RCAN2: variants seen among roughly 807,000 people sequenced by gnomAD.
RCAN2 encodes regulator of calcineurin 2, also known as calcipressin-2.
Under a neutral mutation model 23.6 loss-of-function variants are expected in RCAN2, and 9 were observed. The ratio of observed to expected loss-of-function variants is 0.38; its 90% CI spans 0.23 to 0.67. The LOEUF is 0.67. RCAN2 is among the 30% of genes least tolerant of loss of function. The probability of loss-of-function intolerance (pLI) is 0.51; values close to 1 mark genes in which losing one functional copy is unlikely to be tolerated. For missense variants in RCAN2, 273 were observed against 302.3 expected, an observed-to-expected ratio of 0.90 and a Z score of 0.72; for synonymous variants, 109 against 115.7, an observed-to-expected ratio of 0.94 and a Z score of 0.37.
intron 2 of RCAN2, among the ~76,000 whole-genome samples, chr6:46,250,597 A>G (rs1461495815): frequency 1.3e-5 from 2 of 152,314 alleles, no homozygotes; most frequent in African/African-American, 4.8e-5. Flanking sequence ...AAAGATAAGG[A>G]CTTACCCATG....
intron 2 of RCAN2, among the ~76,000 whole-genome samples, chr6:46,270,698 T>C (rs1247733344): frequency 6.6e-6 from 1 of 152,190 alleles, no homozygotes; most frequent in Non-Finnish European, 1.5e-5. Context: ...AAACTGTGAC[T>C]CCTCGTTTTA....
intron 2 of RCAN2, among the ~76,000 whole-genome samples, chr6:46,337,593 C>T (rs1437362721): frequency 6.6e-6 from 1 of 152,196 alleles, no homozygotes; most frequent in African/African-American, 2.4e-5. Context: ...TTCTGTATTT[C>T]CTGTTTTAAC....
At chr6:46,333,533 T>C (rs1183805636) in intron 2 of RCAN2, among the ~76,000 whole-genome samples, 3 of 152,176 alleles carry the variant, frequency 2.0e-5, no homozygotes, top group Admixed American at 6.5e-5. Flanking sequence ...CATTTTAGAG[T>C]GGAAACACTG....
intron 2 of RCAN2, among the ~76,000 whole-genome samples, chr6:46,368,905 C>A (rs916410933): frequency 6.6e-6 from 1 of 152,112 alleles, no homozygotes; most frequent in African/African-American, 2.4e-5. Context: ...AACAAATTAA[C>A]CTTCACTTAC....
chr6:46,259,084 G>A (rs746187723), intron 2 of RCAN2, among the ~76,000 whole-genome samples: 1 of 152,140 alleles, frequency 6.6e-6, no homozygotes, highest in Non-Finnish European at 1.5e-5. Flanking sequence ...CACTCTGGAG[G>A]CTGAGGTGGG....
intron 2 of RCAN2, among the ~76,000 whole-genome samples, chr6:46,430,723 T>C (rs1379197786): frequency 1.3e-5 from 2 of 152,198 alleles, no homozygotes; most frequent in Non-Finnish European, 2.9e-5. Context: ...TTCAAAGTTA[T>C]GTACAATAGC....
At chr6:46,347,032 C>T (rs560065377) in intron 2 of RCAN2, among the ~76,000 whole-genome samples, 15 of 152,116 alleles carry the variant, frequency 9.9e-5, no homozygotes, top group African/African-American at 2.9e-4. Flanking sequence ...CCCGCCACCA[C>T]GCCTGGCTAA....
intron 2 of RCAN2, among the ~76,000 whole-genome samples, chr6:46,332,788 T>C (rs548988442): frequency 2.0e-5 from 3 of 152,198 alleles, no homozygotes; most frequent in Non-Finnish European, 4.4e-5. Flanking sequence ...TGTGTCTTTA[T>C]AGCAGCATGA....
chr6:46,225,638 T>C (rs1392627239), intron 4 of RCAN2, among the ~76,000 whole-genome samples: 2 of 152,220 alleles, frequency 1.3e-5, no homozygotes, highest in African/African-American at 4.8e-5. Context: ...TTGTTTGATT[T>C]TTTTTCTTGT....
Position 46,222,881 on chromosome 6 carries a change from A to G in RCAN2, c.*260T>C. On this transcript the variant is annotated 3_prime_UTR_variant, in exon 5 of 5. Coordinates refer to ENST00000371374, the MANE Select transcript of RCAN2 (RefSeq NM_001251974.2). ...GATCAACATGAGAGAACAAAGATAT[A>G]GGCTGTGCTGATTGTTTAATAAGAA... is the stretch of plus-strand genomic sequence containing the variant. The G allele has an allele frequency of 2.3e-6, 1 of 432,030 alleles. No individual in the cohort carries two copies. The highest frequency in any genetic ancestry group is 4.2e-6 in the Non-Finnish European group (1 of 235,838). The allele number at this position is 432,030 out of a possible 1,614,324, so 26.8% of individuals were successfully genotyped here.
chr6:46,282,381 TAA>T (rs746550021), intron 2 of RCAN2, among the ~76,000 whole-genome samples: 1 of 138,110 alleles, frequency 7.2e-6, no homozygotes. Flanking sequence ...TCATCTCTAC[TAA>T]AAAAAAAAAA....
intron 2 of RCAN2, among the ~76,000 whole-genome samples, chr6:46,258,533 CT>C (rs1393677431): frequency 6.6e-6 from 1 of 152,168 alleles, no homozygotes; most frequent in African/African-American, 2.4e-5. Context: ...GTATAGAAGC[CT>C]TTATCCTTTC....
At chr6:46,451,720 T>C (rs943940373) in intron 2 of RCAN2, among the ~76,000 whole-genome samples, 3 of 152,202 alleles carry the variant, frequency 2.0e-5, no homozygotes, top group Admixed American at 6.5e-5. Flanking sequence ...TTAGTGGATA[T>C]GCTGAATGAA....
At chr6:46,361,055 T>G (rs941746212) in intron 2 of RCAN2, among the ~76,000 whole-genome samples, 2 of 116,874 alleles carry the variant, frequency 1.7e-5, no homozygotes, top group Non-Finnish European at 4.2e-5. Context: ...AATCACAAAG[T>G]GGTTTAAGGC....
At chr6:46,374,069 C>T (rs1467213201) in intron 2 of RCAN2, among the ~76,000 whole-genome samples, 1 of 152,178 alleles carries the variant, frequency 6.6e-6, no homozygotes, top group Non-Finnish European at 1.5e-5. Context: ...TTTACAGTCC[C>T]ACTCCGTGAG....
At chr6:46,424,787 T>C (rs1050126768) in intron 2 of RCAN2, among the ~76,000 whole-genome samples, 6 of 152,102 alleles carry the variant, frequency 3.9e-5, no homozygotes, top group Non-Finnish European at 5.9e-5. Flanking sequence ...GGGAATACTA[T>C]AGATAATATA....
chr6:46,234,844 T>A (rs1229706094), intron 4 of RCAN2, among the ~76,000 whole-genome samples: 1 of 152,186 alleles, frequency 6.6e-6, no homozygotes, highest in Non-Finnish European at 1.5e-5. Context: ...TGGAGACAGG[T>A]TTGTGACAAT....
intron 2 of RCAN2, among the ~76,000 whole-genome samples, chr6:46,415,436 G>T (rs1340692821): frequency 6.6e-6 from 1 of 152,138 alleles, no homozygotes; most frequent in African/African-American, 2.4e-5. Context: ...AGGGACACAG[G>T]GTGTTAAGTT....
chr6:46,375,393 A>T (rs1488761101), intron 2 of RCAN2, among the ~76,000 whole-genome samples: 1 of 152,104 alleles, frequency 6.6e-6, no homozygotes, highest in African/African-American at 2.4e-5. Context: ...CAGCATTTAG[A>T]CTTCTCCTCC....
Sources: allele counts gnomAD v4.1 joint callset (sites outside exome capture counted in the v4.1 genomes callset), GRCh38; gene constraint gnomAD v4.1.1; transcripts MANE v1.5; gene names NCBI Gene and HGNC (gene_info 2026-07-23, HGNC 2026-07-21).